HCN1: variants seen among roughly 807,000 people sequenced by gnomAD.
HCN1 encodes hyperpolarization activated cyclic nucleotide gated potassium channel 1.
Under a neutral mutation model 78.9 loss-of-function variants are expected in HCN1, and 13 were observed. The ratio of observed to expected loss-of-function variants is 0.16; its 90% CI spans 0.11 to 0.26. HCN1 has a LOEUF of 0.26. Among genes scored for constraint, HCN1 ranks in the 10% least tolerant of loss-of-function variants. The probability of loss-of-function intolerance (pLI) is 1.00; values close to 1 mark genes in which losing one functional copy is unlikely to be tolerated. For missense variants in HCN1, 810 were observed against 1,154.3 expected (o/e 0.70, Z 4.32); for synonymous variants, 552 against 455.5 (o/e 1.21, Z -2.70).
chr5:45,685,647 G>A (rs1561244802), intron 1 of HCN1, among the ~76,000 whole-genome samples: 1 of 152,138 alleles, frequency 6.6e-6, no homozygotes, highest in Non-Finnish European at 1.5e-5. Context: ...AGGAGGCAGA[G>A]GTTGCGGTGA....
At chr5:45,373,523 A>G (rs892135791) in intron 4 of HCN1, among the ~76,000 whole-genome samples, 24 of 141,468 alleles carry the variant, frequency 1.7e-4, no homozygotes, top group Non-Finnish European at 2.7e-4. Context: ...TATAATATAT[A>G]TTACATACAT....
At position 45,520,583 on chromosome 5, in the gene HCN1, G is replaced by T. The variant is rs1245750791; in HGVS notation, c.850-58576C>A. Among the ~76,000 whole-genome samples the T allele has an allele frequency of 3.3e-5, 5 of 151,734 alleles. 1 individual carries two copies. Among genetic ancestry groups the T allele is most frequent in the Admixed American group, 3.3e-4 (5 of 15,198 alleles). ...ACTTTCCCTGACCCTATTATCTTTT[G>T]AATTTCTTTACATATTAATTTTAAT... On this transcript the variant is annotated intron_variant, in intron 2 of 7. Transcript: ENST00000303230.
intron 5 of HCN1, among the ~76,000 whole-genome samples, chr5:45,320,451 T>TA (rs1357823342): frequency 1.3e-5 from 2 of 151,884 alleles, no homozygotes; most frequent in Admixed American, 6.6e-5. Context: ...TGCTGGGTTT[T>TA]AGGTATTGTC....
chr5:45,410,504 C>G (rs758439745), intron 3 of HCN1, among the ~76,000 whole-genome samples: 1 of 151,900 alleles, frequency 6.6e-6, no homozygotes, highest in African/African-American at 2.4e-5. Flanking sequence ...ACATGAATGA[C>G]GTCAGTTAAA....
chr5:45,588,653 C>G (rs1246700946), intron 2 of HCN1, among the ~76,000 whole-genome samples: 1 of 152,158 alleles, frequency 6.6e-6, no homozygotes, highest in African/African-American at 2.4e-5. Context: ...CTACTACTAA[C>G]TCATTCTTCA....
intron 2 of HCN1, among the ~76,000 whole-genome samples, chr5:45,478,263 A>G (rs1381732081): frequency 1.3e-5 from 2 of 152,222 alleles, no homozygotes; most frequent in Non-Finnish European, 2.9e-5. Context: ...AGGGTAAATC[A>G]GTGAAAAAAA....
intron 2 of HCN1, among the ~76,000 whole-genome samples, chr5:45,622,185 G>A (rs568306960): frequency 2.6e-5 from 4 of 151,898 alleles, no homozygotes; most frequent in Admixed American, 6.6e-5. Flanking sequence ...CAGCCTGGGC[G>A]ACAGAGGGAG....
intron 2 of HCN1, among the ~76,000 whole-genome samples, chr5:45,499,956 AAC>A (rs1034965742): frequency 5.3e-5 from 8 of 152,164 alleles, no homozygotes; most frequent in Non-Finnish European, 7.4e-5. Flanking sequence ...AAAACACACA[AAC>A]ACAGTCTGCA....
At chr5:45,547,419 C>T (rs1054828998) in intron 2 of HCN1, among the ~76,000 whole-genome samples, 27 of 151,948 alleles carry the variant, frequency 1.8e-4, no homozygotes, top group African/African-American at 5.8e-4. Context: ...AAAATACTAG[C>T]GGAGAGAGTA....
chr5:45,541,061 G>GA (rs1234374307), intron 2 of HCN1, among the ~76,000 whole-genome samples: 2 of 151,716 alleles, frequency 1.3e-5, no homozygotes, highest in South Asian at 2.1e-4. Flanking sequence ...TAGCCATGCA[G>GA]AAAAAAGAAA....
Position 45,314,927 on chromosome 5 carries a change from A to G in HCN1, c.1378-11088T>C, listed in dbSNP as rs148254304. 4.8e-3 allele frequency among the ~76,000 whole-genome samples: 733 copies of G among 152,234 alleles called. 3 individuals carry two copies. Among genetic ancestry groups the G allele is most frequent in the African/African-American group, 0.017 (701 of 41,544 alleles). On this transcript the variant is annotated intron_variant, in intron 5 of 7. Coordinates refer to ENST00000303230, the MANE Select transcript of HCN1 (RefSeq NM_021072.4). The stretch of plus-strand genomic sequence containing the variant: ...AGATTCATAAAGCAAGTCCTTAGAG[A>G]CCTACAAAGAGACCTAGACTCCCAA...
At chr5:45,346,227 C>G (rs1335222187) in intron 5 of HCN1, among the ~76,000 whole-genome samples, 1 of 152,166 alleles carries the variant, frequency 6.6e-6, no homozygotes, top group East Asian at 1.9e-4. Context: ...TACAGTTCAA[C>G]ATGACAGGTC....
At chr5:45,489,710 G>T (rs959335559) in intron 2 of HCN1, among the ~76,000 whole-genome samples, 1 of 152,112 alleles carries the variant, frequency 6.6e-6, no homozygotes, top group Non-Finnish European at 1.5e-5. Context: ...GATGAGCCAG[G>T]CATTGTCTAG....
At chr5:45,686,665 G>C (rs564948640) in intron 1 of HCN1, among the ~76,000 whole-genome samples, 1 of 152,110 alleles carries the variant, frequency 6.6e-6, no homozygotes, top group South Asian at 2.1e-4. Flanking sequence ...TTATTTACTT[G>C]TCTCCAATGT....
chr5:45,535,001 T>C (rs1742937841), intron 2 of HCN1, among the ~76,000 whole-genome samples: 1 of 152,206 alleles, frequency 6.6e-6, no homozygotes, highest in Non-Finnish European at 1.5e-5. Flanking sequence ...GGCAATTCTA[T>C]CCACCCAAAA....
chr5:45,561,244 T>C (rs1051743634), intron 2 of HCN1, among the ~76,000 whole-genome samples: 1 of 152,188 alleles, frequency 6.6e-6, no homozygotes, highest in Admixed American at 6.6e-5. Flanking sequence ...GAAATCTTTA[T>C]GTTTTCCTCT....
chr5:45,646,609 CT>C lies in HCN1; in HGVS notation c.426-1002del, dbSNP rs1745555742. On this transcript the variant is annotated intron_variant, in intron 1 of 7. Transcript: ENST00000303230. ...ACTACTAAGTACCTTTTGAAATATT[CT>C]TATCTCAACTTACATTAAAATTGAG... Among the ~76,000 whole-genome samples the C allele has an allele frequency of 2.6e-5, 4 of 151,958 alleles. No individual in the cohort carries two copies. In the South Asian group the frequency reaches 8.3e-4, roughly 31 times the overall value.
intron 1 of HCN1, among the ~76,000 whole-genome samples, chr5:45,652,626 A>G (rs1424183628): frequency 6.6e-6 from 1 of 152,034 alleles, no homozygotes; most frequent in Non-Finnish European, 1.5e-5. Context: ...ACAAATAACT[A>G]TATATCCTGT....
At chr5:45,474,418 T>G (rs932029809) in intron 2 of HCN1, among the ~76,000 whole-genome samples, 1 of 151,894 alleles carries the variant, frequency 6.6e-6, no homozygotes, top group African/African-American at 2.4e-5. Context: ...AAACTGTAAA[T>G]TCCCTACTTT....
Sources: gnomAD v4.1 joint callset for allele counts (sites outside exome capture counted in the v4.1 genomes callset) on GRCh38, gnomAD v4.1.1 for gene constraint, MANE v1.5 for transcripts, NCBI Gene and HGNC (gene_info 2026-07-23, HGNC 2026-07-21) for gene names.